ANGPT1: variants seen among roughly 807,000 people sequenced by gnomAD.
ANGPT1 encodes angiopoietin 1.
In ANGPT1, 17 loss-of-function variants were observed where a neutral mutation model predicts 62.2. The observed-to-expected ratio is 0.27, with a 90% CI of 0.19 to 0.41. The LOEUF (loss-of-function observed/expected upper bound fraction) is 0.41. ANGPT1 is among the 10% of genes least tolerant of loss of function. ANGPT1 has a pLI of 1.00. For synonymous variants in ANGPT1, 199 were observed against 198.9 expected, an observed-to-expected ratio of 1.00 and a Z score of 0.00; for missense variants, 478 against 594.9, an observed-to-expected ratio of 0.80 and a Z score of 2.04.
intron 1 of ANGPT1, among the ~76,000 whole-genome samples, chr8:107,385,260 T>C (rs906610256): frequency 1.3e-5 from 2 of 152,196 alleles, no homozygotes; most frequent in Non-Finnish European, 2.9e-5. Flanking sequence ...TTCTTATCCA[T>C]GAACATGGAA....
chr8:107,419,434 C>G (rs778686895), intron 1 of ANGPT1, among the ~76,000 whole-genome samples: 1 of 152,020 alleles, frequency 6.6e-6, no homozygotes, highest in Non-Finnish European at 1.5e-5. Context: ...TTGCTAGGTC[C>G]CCCCAGTTTG....
chr8:107,405,642 A>T (rs1020113884), intron 1 of ANGPT1, among the ~76,000 whole-genome samples: 4 of 151,972 alleles, frequency 2.6e-5, no homozygotes, highest in Non-Finnish European at 5.9e-5. Flanking sequence ...GATTATATAT[A>T]TGCAAATATT....
intron 1 of ANGPT1, among the ~76,000 whole-genome samples, chr8:107,365,015 G>A (rs1816244252): frequency 6.6e-6 from 1 of 152,042 alleles, no homozygotes; most frequent in Non-Finnish European, 1.5e-5. Context: ...ACAACTACCT[G>A]AACATCTGAC....
chr8:107,379,926 G>C (rs1255100054), intron 1 of ANGPT1, among the ~76,000 whole-genome samples: 1 of 152,118 alleles, frequency 6.6e-6, no homozygotes, highest in African/African-American at 2.4e-5. Context: ...CCACTAACCA[G>C]ATGTTGGGGT....
intron 1 of ANGPT1, among the ~76,000 whole-genome samples, chr8:107,367,831 A>G (rs1220089605): frequency 6.6e-6 from 1 of 152,218 alleles, no homozygotes; most frequent in East Asian, 1.9e-4. Context: ...CAGTTCAGTC[A>G]CAACTTCAAG....
intron 4 of ANGPT1, among the ~76,000 whole-genome samples, chr8:107,312,866 G>T (rs1814909386): frequency 6.6e-6 from 1 of 152,012 alleles, no homozygotes; most frequent in Non-Finnish European, 1.5e-5. Context: ...CACCATGCCT[G>T]CCCTCTCGAT....
intron 4 of ANGPT1, among the ~76,000 whole-genome samples, chr8:107,314,262 G>C (rs1002686333): frequency 1.3e-5 from 2 of 152,130 alleles, no homozygotes; most frequent in African/African-American, 4.8e-5. Context: ...TTTTACCCCT[G>C]TAACTTCCAA....
At chr8:107,413,290 C>G (rs1810640086) in intron 1 of ANGPT1, among the ~76,000 whole-genome samples, 1 of 152,070 alleles carries the variant, frequency 6.6e-6, no homozygotes, top group Non-Finnish European at 1.5e-5. Context: ...CTTCCTGGTC[C>G]CCTTGGAACA....
chr8:107,305,732 A>C (rs1563560211), intron 4 of ANGPT1, among the ~76,000 whole-genome samples: 1 of 152,032 alleles, frequency 6.6e-6, no homozygotes, highest in Non-Finnish European at 1.5e-5. Context: ...TTGAAATTTA[A>C]TTTGGTATGT....
At chr8:107,267,552 G>A in intron 7 of ANGPT1, among the ~76,000 whole-genome samples, 1 of 151,986 alleles carries the variant, frequency 6.6e-6, no homozygotes, top group Non-Finnish European at 1.5e-5. Flanking sequence ...TTCTTCTCTG[G>A]ATTATCAAAG....
intron 4 of ANGPT1, among the ~76,000 whole-genome samples, chr8:107,316,217 G>T (rs1182901071): frequency 6.6e-6 from 1 of 151,900 alleles, no homozygotes; most frequent in Non-Finnish European, 1.5e-5. Context: ...GTTTAATATG[G>T]ACCTTACTAT....
intron 1 of ANGPT1, among the ~76,000 whole-genome samples, chr8:107,469,511 A>G (rs1812289866): frequency 1.3e-5 from 2 of 152,032 alleles, no homozygotes; most frequent in South Asian, 4.1e-4. Context: ...AATTGTTATG[A>G]ACCACAGCCT....
At chr8:107,370,344 G>GA (rs1816369534) in intron 1 of ANGPT1, among the ~76,000 whole-genome samples, 1 of 8,952 alleles carries the variant, frequency 1.1e-4, no homozygotes, top group African/African-American at 2.9e-4. Flanking sequence ...GAAAGAAAAA[G>GA]AAAGAAAGAA....
chr8:107,334,556 A>T (rs1815516597), intron 3 of ANGPT1, among the ~76,000 whole-genome samples: 1 of 145,256 alleles, frequency 6.9e-6, no homozygotes, highest in Non-Finnish European at 1.5e-5. Context: ...CTTATGCTAT[A>T]ATAAACGTGC....
chr8:107,360,101 C>T (rs1816130321), intron 1 of ANGPT1, among the ~76,000 whole-genome samples: 1 of 152,084 alleles, frequency 6.6e-6, no homozygotes, highest in Admixed American at 6.6e-5. Context: ...CTACCTGCCA[C>T]CCCTAATTCT....
chr8:107,478,275 G>A (rs986113612), intron 1 of ANGPT1, among the ~76,000 whole-genome samples: 4 of 150,966 alleles, frequency 2.6e-5, no homozygotes, highest in Non-Finnish European at 4.4e-5. Context: ...TCTGCCGGGC[G>A]TGGTGGCTCA....
chr8:107,294,106 C>T, intron 5 of ANGPT1, 69 bp from the exon 6 acceptor site: 1 of 1,294,716 alleles, frequency 7.7e-7, no homozygotes, highest in Non-Finnish European at 1.1e-6. Flanking sequence ...CTACATGTTT[C>T]AAAATAGGAA....
chr8:107,429,232 G>A (rs1811115043), intron 1 of ANGPT1, among the ~76,000 whole-genome samples: 1 of 152,132 alleles, frequency 6.6e-6, no homozygotes, highest in Non-Finnish European at 1.5e-5. Context: ...GAGAAATAGG[G>A]GTTGAGTCAT....
chr8:107,468,826 A>G (rs748087138), intron 1 of ANGPT1, among the ~76,000 whole-genome samples: 19 of 152,018 alleles, frequency 1.2e-4, no homozygotes, highest in Non-Finnish European at 2.5e-4. Context: ...TACCTGTCCA[A>G]TTGGTATATT....
Sources: allele counts gnomAD v4.1 joint callset (sites outside exome capture counted in the v4.1 genomes callset), GRCh38; gene constraint gnomAD v4.1.1; transcripts MANE v1.5; gene names NCBI Gene and HGNC (gene_info 2026-07-23, HGNC 2026-07-21).